Variants in CASD1 observed in about 807,000 individuals in gnomAD.
CASD1 encodes N-acetylneuraminate (7)9-O-acetyltransferase.
A neutral mutation model predicts 100.0 loss-of-function variants in CASD1; 41 were observed. The observed-to-expected ratio is 0.41, with a 90% CI of 0.32 to 0.53. CASD1 has a LOEUF of 0.53. Among genes scored for constraint, CASD1 ranks in the 20% least tolerant of loss-of-function variants. CASD1 has a pLI of 0.25. For missense variants in CASD1, 774 were observed against 948.7 expected, an observed-to-expected ratio of 0.82 and a Z score of 2.42; for synonymous variants, 321 against 315.6, an observed-to-expected ratio of 1.02 and a Z score of -0.18.
intron 9 of CASD1, 128 bp downstream of exon 9, chr7:94,538,022 T>C (rs879693825): frequency 1.1e-5 from 7 of 623,066 alleles, no homozygotes; most frequent in Non-Finnish European, 1.9e-5. Flanking sequence ...TGAAGGAAGA[T>C]TGTAGTTACA....
chr7:94,628,137 T>TACACACAC, the CASD1 span: 864 of 991,880 alleles, frequency 8.7e-4, no homozygotes, highest in South Asian at 1.9e-3. Context: ...CAAATTACAA[T>TACACACAC]ACACACACAC....
At chr7:94,558,233 A>T (rs1299185194), downstream of CASD1, among the ~76,000 whole-genome samples, 1 of 152,178 alleles carries the variant, frequency 6.6e-6, no homozygotes, top group African/African-American at 2.4e-5. Flanking sequence ...TTCATTTATT[A>T]TTCTATTCTC....
chr7:94,555,139 T>C (rs1340312259), intron 17 of CASD1, among the ~76,000 whole-genome samples: 1 of 152,130 alleles, frequency 6.6e-6, no homozygotes, highest in Non-Finnish European at 1.5e-5. Context: ...TTATTTGAAA[T>C]AGAATGTTTT....
rs764555837 is a variant in CASD1 at position 94,549,601 on chromosome 7, T to C, written c.1782T>C (p.Tyr594=). 9.3e-6 allele frequency: 15 copies of C among 1,610,400 alleles called. No homozygotes were observed. In the Admixed American group the frequency reaches 2.5e-4, roughly 27 times the overall value. ...GTTTTGAACTGAAAGGGAATGTATA[T>C]GAATGGTGGTTCAGATGGAGGTTAG... is the stretch of plus-strand genomic sequence containing the variant. ...SKCFELKGNV[Y]EWWFRWRLDR... is the part of the protein sequence containing the mutation. Residue 594 remains tyrosine (Y), a synonymous_variant, in exon 14 of 18, where the codon TAT becomes TAC. Transcript: ENST00000297273.
the CASD1 span, among the ~76,000 whole-genome samples, chr7:94,614,448 C>T: frequency 1.3e-5 from 2 of 152,200 alleles, no homozygotes; most frequent in Admixed American, 1.3e-4. Flanking sequence ...TAACTTTTCC[C>T]AGAAGACAAC....
chr7:94,515,777 A>C (rs927079427), intron 1 of CASD1, among the ~76,000 whole-genome samples: 8 of 152,126 alleles, frequency 5.3e-5, no homozygotes, highest in Non-Finnish European at 1.0e-4. Flanking sequence ...AAAAGAAGAA[A>C]ACCTTAAAGG....
the CASD1 span, among the ~76,000 whole-genome samples, chr7:94,576,611 A>C: frequency 1.3e-5 from 2 of 152,216 alleles, no homozygotes; most frequent in Non-Finnish European, 2.9e-5. Context: ...TGGGCACTGC[A>C]TGCCTATGTG....
chr7:94,583,788 A>G, the CASD1 span, among the ~76,000 whole-genome samples: 1 of 152,128 alleles, frequency 6.6e-6, no homozygotes, highest in African/African-American at 2.4e-5. Flanking sequence ...CCATATAGTC[A>G]TTTGCCCACT....
the CASD1 span, among the ~76,000 whole-genome samples, chr7:94,609,634 T>A: frequency 2.0e-5 from 3 of 152,164 alleles, no homozygotes; most frequent in African/African-American, 7.2e-5. Flanking sequence ...ACTTTACATA[T>A]CATCATGGAA....
the CASD1 span, among the ~76,000 whole-genome samples, chr7:94,584,514 C>A: frequency 6.6e-6 from 1 of 152,156 alleles, no homozygotes; most frequent in African/African-American, 2.4e-5. Context: ...AGAGTATTCT[C>A]CCTAAGTGGA....
rs1794075749 is a variant in CASD1 at position 94,518,229 on chromosome 7, A to C, written c.257A>C (p.Lys86Thr). The change falls in exon 3 of 18, where the codon AAA (lysine) becomes ACA (threonine). Residue 86 changes from lysine (K) to threonine (T), a missense_variant. Coordinates refer to ENST00000297273, the MANE Select transcript of CASD1 (RefSeq NM_022900.5). Reference sequence around the variant, plus strand: ...GAAGCAAAGAACTGCCTTGTAGATAAACATATTGCATTTATTGGAGATTCC... The same window carrying C: ...GAAGCAAAGAACTGCCTTGTAGATACACATATTGCATTTATTGGAGATTCC... ...ISEAKNCLVDKHIAFIGDSRI... is the reference protein window; with the variant it reads ...ISEAKNCLVDTHIAFIGDSRI... 6.4e-7 allele frequency: 1 copy of C among 1,564,996 alleles called. No homozygotes were observed.
At chr7:94,567,684 T>C in the CASD1 span, among the ~76,000 whole-genome samples, 1 of 152,206 alleles carries the variant, frequency 6.6e-6, no homozygotes, top group Non-Finnish European at 1.5e-5. Flanking sequence ...AGCTTCTTTT[T>C]TCAAAGGCAA....
At chr7:94,515,155 A>G (rs905798596) in intron 1 of CASD1, among the ~76,000 whole-genome samples, 2 of 152,050 alleles carry the variant, frequency 1.3e-5, no homozygotes, top group African/African-American at 2.4e-5. Context: ...GCAATCCTTT[A>G]TATTAGATTC....
intron 1 of CASD1, among the ~76,000 whole-genome samples, chr7:94,511,915 T>C (rs1793730431): frequency 6.6e-6 from 1 of 152,226 alleles, no homozygotes; most frequent in Admixed American, 6.5e-5. Context: ...GGATTGTTTA[T>C]AAAGCCTTCT....
the CASD1 span, among the ~76,000 whole-genome samples, chr7:94,569,840 G>A: frequency 1.3e-5 from 2 of 148,220 alleles, no homozygotes; most frequent in African/African-American, 5.0e-5. Context: ...TTGAGACAGA[G>A]TCTTACTCTG....
chr7:94,565,572 G>A, the CASD1 span, among the ~76,000 whole-genome samples: 1 of 152,084 alleles, frequency 6.6e-6, no homozygotes, highest in East Asian at 1.9e-4. Context: ...ACCTTCAAAT[G>A]CCTCAATTAT....
At chr7:94,579,005 A>G in the CASD1 span, among the ~76,000 whole-genome samples, 1 of 151,992 alleles carries the variant, frequency 6.6e-6, no homozygotes, top group Non-Finnish European at 1.5e-5. Context: ...TAACTTTTAT[A>G]TTAGACATTA....
Position 94,555,612 on chromosome 7 carries a change from C to A in CASD1, c.2248C>A (p.His750Asn). The change falls in exon 18 of 18, where the codon CAT (histidine) becomes AAT (asparagine). Residue 750 changes from histidine (H) to asparagine (N), a missense_variant. Coordinates refer to ENST00000297273, the MANE Select transcript of CASD1 (RefSeq NM_022900.5). ...VSTFIFVCVA[H>N]EISQITNDLA... ...CACTTTCATATTTGTTTGTGTGGCA[C>A]ATGAAATTTCTCAGATCACTAATGA... 1.2e-6 allele frequency: 2 copies of A among 1,613,534 alleles called. No homozygotes were observed. Among genetic ancestry groups the A allele is most frequent in the Non-Finnish European group, 8.5e-7 (1 of 1,179,662 alleles).
chr7:94,565,390 C>T, the CASD1 span, among the ~76,000 whole-genome samples: 1 of 152,120 alleles, frequency 6.6e-6, no homozygotes, highest in Non-Finnish European at 1.5e-5. Context: ...ACTTACCACC[C>T]ACTGAAGGTA....
Sources: allele counts gnomAD v4.1 joint callset (sites outside exome capture counted in the v4.1 genomes callset), GRCh38; gene constraint gnomAD v4.1.1; transcripts MANE v1.5; gene names NCBI Gene and HGNC (gene_info 2026-07-23, HGNC 2026-07-21).